Variants in BTRC observed in about 807,000 individuals in gnomAD.
The protein encoded by BTRC is F-box/WD repeat-containing protein 1A.
BTRC carries 42 observed loss-of-function variants against 85.5 expected under a neutral mutation model. The ratio of observed to expected loss-of-function variants is 0.49; its 90% CI spans 0.38 to 0.64. BTRC has a LOEUF of 0.64. Ranked by LOEUF, BTRC falls within the 30% of genes least tolerant of loss-of-function variation. The pLI is 0.00. For missense variants in BTRC, 594 were observed against 743.5 expected, an observed-to-expected ratio of 0.80 and a Z score of 2.34; for synonymous variants, 255 against 263.3, an observed-to-expected ratio of 0.97 and a Z score of 0.30.
chr10:101,532,904 A>G (rs2062321119), intron 8 of BTRC, 48 bp from the exon 9 acceptor site: 6 of 1,425,146 alleles, frequency 4.2e-6, no homozygotes, highest in South Asian at 2.3e-5. Flanking sequence ...AAGTCTCCAC[A>G]GCACCCCATC....
intron 4 of BTRC, among the ~76,000 whole-genome samples, chr10:101,493,756 G>C (rs993039817): frequency 6.6e-6 from 1 of 151,992 alleles, no homozygotes. Flanking sequence ...AATTAAAAAC[G>C]CCTCAATTAG....
chr10:101,450,592 T>C (rs774255134), intron 2 of BTRC, among the ~76,000 whole-genome samples: 2 of 152,184 alleles, frequency 1.3e-5, no homozygotes, highest in South Asian at 2.1e-4. Flanking sequence ...TTGAAAAACA[T>C]TTGATCTCTT....
chr10:101,468,888 A>G (rs1472551516), intron 3 of BTRC, among the ~76,000 whole-genome samples: 1 of 152,232 alleles, frequency 6.6e-6, no homozygotes, highest in Admixed American at 6.5e-5. Flanking sequence ...TTGATTAGCC[A>G]TTACTTTGTT....
chr10:101,367,755 T>C (rs1050991161), intron 1 of BTRC, among the ~76,000 whole-genome samples: 6 of 152,198 alleles, frequency 3.9e-5, no homozygotes, highest in Non-Finnish European at 8.8e-5. Context: ...CGTAAGATGA[T>C]TCATTCAGGT....
intron 4 of BTRC, among the ~76,000 whole-genome samples, chr10:101,495,143 A>C (rs988238271): frequency 1.3e-5 from 2 of 152,248 alleles, no homozygotes; most frequent in Non-Finnish European, 1.5e-5. Flanking sequence ...CTTAGACAAT[A>C]CTACAGGTAC....
At chr10:101,433,214 T>A (rs1454844061) in intron 2 of BTRC, among the ~76,000 whole-genome samples, 3 of 152,278 alleles carry the variant, frequency 2.0e-5, no homozygotes, top group African/African-American at 7.2e-5. Context: ...TCTTGGGTAT[T>A]TGGCAACATT....
intron 1 of BTRC, among the ~76,000 whole-genome samples, chr10:101,357,002 G>T (rs191937393): frequency 6.6e-6 from 1 of 151,552 alleles, no homozygotes; most frequent in African/African-American, 2.4e-5. Context: ...GGCAGCGTGC[G>T]CCTGTAGTCC....
At chr10:101,469,538 T>C (rs1393091026) in intron 3 of BTRC, among the ~76,000 whole-genome samples, 1 of 152,198 alleles carries the variant, frequency 6.6e-6, no homozygotes, top group African/African-American at 2.4e-5. Context: ...AACTTAGTAT[T>C]TTCAGAAAAA....
chr10:101,407,885 G>A (rs1402704658), intron 1 of BTRC, among the ~76,000 whole-genome samples: 1 of 151,822 alleles, frequency 6.6e-6, no homozygotes, highest in Non-Finnish European at 1.5e-5. Flanking sequence ...ACCATGCCCA[G>A]CTAATTTTTT....
intron 1 of BTRC, among the ~76,000 whole-genome samples, chr10:101,366,711 A>G (rs1325822091): frequency 1.4e-5 from 2 of 140,130 alleles, no homozygotes; most frequent in African/African-American, 5.3e-5. Flanking sequence ...TAATTTGAGT[A>G]TAGCAGATAA....
chr10:101,548,604 T>G (rs1220624691), intron 13 of BTRC, among the ~76,000 whole-genome samples: 1 of 151,952 alleles, frequency 6.6e-6, no homozygotes, highest in South Asian at 2.1e-4. Context: ...TACAAAAAAT[T>G]AGCCAAGCAT....
intron 1 of BTRC, among the ~76,000 whole-genome samples, chr10:101,362,158 A>C (rs938591333): frequency 6.6e-6 from 1 of 150,924 alleles, no homozygotes. Flanking sequence ...ATGGGGTTTC[A>C]CCATGTTGGC....
chr10:101,527,894 C>T (rs2062221716), intron 6 of BTRC, among the ~76,000 whole-genome samples: 1 of 151,930 alleles, frequency 6.6e-6, no homozygotes, highest in Non-Finnish European at 1.5e-5. Context: ...AGAAATCTTT[C>T]ATAACCTACT....
At chr10:101,452,895 A>G (rs574329517) in intron 2 of BTRC, among the ~76,000 whole-genome samples, 5 of 152,322 alleles carry the variant, frequency 3.3e-5, no homozygotes, top group African/African-American at 1.2e-4. Flanking sequence ...GGTCCTCCCT[A>G]AAATGAGTCC....
At chr10:101,509,550 A>G (rs113084874) in intron 4 of BTRC, among the ~76,000 whole-genome samples, 53,678 of 139,172 alleles carry the variant, frequency 0.39, 10,970 homozygotes, top group Middle Eastern at 0.51. Context: ...CACCGCGCCC[A>G]GCCTTTTTTT....
intron 1 of BTRC, among the ~76,000 whole-genome samples, chr10:101,413,030 T>C (rs1943825107): frequency 6.6e-6 from 1 of 152,248 alleles, no homozygotes; most frequent in Non-Finnish European, 1.5e-5. Context: ...AAATTGACAC[T>C]GTCACCATTT....
chr10:101,443,076 G>T lies in BTRC; in HGVS notation c.156+12624G>T, dbSNP rs575015367. Reference sequence around the variant, plus strand: ...TTTTTGTATTTTTAGTAGAGACGGGGTTTCACCATGTTAGCCAGGATGGTC... The same window carrying T: ...TTTTTGTATTTTTAGTAGAGACGGGTTTTCACCATGTTAGCCAGGATGGTC... On this transcript the variant is annotated intron_variant, in intron 2 of 14. Transcript: ENST00000370187. Among the ~76,000 whole-genome samples the T allele has an allele frequency of 2.4e-3, 367 of 151,890 alleles. 3 individuals are homozygous for T. Among genetic ancestry groups the T allele is most frequent in the African/African-American group, 8.3e-3 (346 of 41,448 alleles).
At chr10:101,438,230 T>G (rs184452226) in intron 2 of BTRC, among the ~76,000 whole-genome samples, 1 of 151,850 alleles carries the variant, frequency 6.6e-6, no homozygotes, top group Non-Finnish European at 1.5e-5. Flanking sequence ...ATTGAGACCA[T>G]CCTGGCTAAT....
intron 1 of BTRC, among the ~76,000 whole-genome samples, chr10:101,411,362 T>C (rs1025760232): frequency 2.6e-5 from 4 of 152,226 alleles, no homozygotes; most frequent in Non-Finnish European, 2.9e-5. Flanking sequence ...TTTGGAAATA[T>C]GCATTTTCCA....
Sources: gnomAD v4.1 joint callset for allele counts (sites outside exome capture counted in the v4.1 genomes callset) on GRCh38, gnomAD v4.1.1 for gene constraint, MANE v1.5 for transcripts, NCBI Gene and HGNC (gene_info 2026-07-23, HGNC 2026-07-21) for gene names.